The following PRDM16 variants were observed in gnomAD, a reference collection of about 807,000 sequenced individuals.
The protein encoded by PRDM16 is PR/SET domain 16, also known as histone-lysine N-methyltransferase PRDM16.
In PRDM16, 23 loss-of-function variants were observed where a neutral mutation model predicts 110.6. That is an observed-to-expected ratio of 0.21 (90% confidence interval 0.15 to 0.29). The LOEUF (loss-of-function observed/expected upper bound fraction) is 0.29, where lower values mean the gene tolerates loss of function less well. PRDM16 is among the 10% of genes least tolerant of loss of function. PRDM16 has a pLI of 1.00. For synonymous variants in PRDM16, 799 were observed against 781.8 expected, an observed-to-expected ratio of 1.02 and a Z score of -0.37; for missense variants, 1,615 against 1,794.3, an observed-to-expected ratio of 0.90 and a Z score of 1.81.
chr1:3,073,558 T>C (rs958407852), intron 1 of PRDM16, among the ~76,000 whole-genome samples: 3 of 151,922 alleles, frequency 2.0e-5, no homozygotes, highest in African/African-American at 7.3e-5. Flanking sequence ...GAAGGAAACT[T>C]CGCGAGCGAA....
chr1:3,289,990 G>A (rs1267432291), intron 3 of PRDM16, among the ~76,000 whole-genome samples: 3 of 151,436 alleles, frequency 2.0e-5, no homozygotes, highest in African/African-American at 7.3e-5. Flanking sequence ...CACCCCAGGC[G>A]CCAGGACCCC....
chr1:3,276,726 C>CGTGAACAAAGCCAGCGAGGGG (rs1640593827), intron 3 of PRDM16, among the ~76,000 whole-genome samples: 1 of 131,316 alleles, frequency 7.6e-6, no homozygotes, highest in African/African-American at 4.0e-5. Flanking sequence ...CGAGGGGTGC[C>CGTGAACAAAGCCAGCGAGGGG]TGTTTCCTCA....
chr1:3,336,178 G>C (rs747486518), intron 3 of PRDM16, among the ~76,000 whole-genome samples: 1 of 152,230 alleles, frequency 6.6e-6, no homozygotes, highest in Non-Finnish European at 1.5e-5. Context: ...CCAAGATAGC[G>C]GGGGACATGC....
At chr1:3,074,733 C>T (rs1293945525) in intron 1 of PRDM16, among the ~76,000 whole-genome samples, 2 of 152,232 alleles carry the variant, frequency 1.3e-5, no homozygotes, top group Non-Finnish European at 2.9e-5. Flanking sequence ...CTCAGGTTGG[C>T]CCGGGAGGTG....
chr1:3,335,725 T>C (rs1020009291), intron 3 of PRDM16, among the ~76,000 whole-genome samples: 1 of 152,312 alleles, frequency 6.6e-6, no homozygotes, highest in African/African-American at 2.4e-5. Context: ...CCGTTCTTTC[T>C]GGCATCCTGG....
At chr1:3,256,044 GGA>G (rs967833818) in intron 3 of PRDM16, among the ~76,000 whole-genome samples, 1 of 152,190 alleles carries the variant, frequency 6.6e-6, no homozygotes, top group Admixed American at 6.5e-5. Flanking sequence ...CCTGGGACTG[GGA>G]CTGGAGAACA....
intron 2 of PRDM16, among the ~76,000 whole-genome samples, chr1:3,210,173 T>C (rs1315880220): frequency 6.6e-6 from 1 of 152,192 alleles, no homozygotes; most frequent in Non-Finnish European, 1.5e-5. Flanking sequence ...AGCTGCTTCA[T>C]GTTACTCTGG....
At chr1:3,292,534 C>G (rs948018059) in intron 3 of PRDM16, among the ~76,000 whole-genome samples, 3 of 152,210 alleles carry the variant, frequency 2.0e-5, no homozygotes, top group African/African-American at 4.8e-5. Flanking sequence ...TCCTGGTGAG[C>G]GGCACCGTGA....
At chr1:3,273,461 TGTGA>T (rs1389151205) in intron 3 of PRDM16, among the ~76,000 whole-genome samples, 38 of 151,660 alleles carry the variant, frequency 2.5e-4, no homozygotes, top group Non-Finnish European at 4.0e-4. Flanking sequence ...GGTGGGTGGG[TGTGA>T]GTGAATGTGT....
At chr1:3,314,356 A>ATTCTC (rs1641547403) in intron 3 of PRDM16, among the ~76,000 whole-genome samples, 1 of 152,016 alleles carries the variant, frequency 6.6e-6, no homozygotes, top group Non-Finnish European at 1.5e-5. Context: ...AGGGAGAGAG[A>ATTCTC]GATGGTGTCT....
intron 3 of PRDM16, among the ~76,000 whole-genome samples, chr1:3,325,912 CCTTGGCCCTCCTCGGCCCT>C (rs141274558): frequency 0.13 from 17,163 of 133,916 alleles, 1,277 homozygotes; most frequent in East Asian, 0.3. Flanking sequence ...TCTTGGCCCT[CCTTGGCCCTCCTCGGCCCT>C]CTTGGCCCTC....
chr1:3,228,230 G>A (rs142252040), intron 2 of PRDM16, among the ~76,000 whole-genome samples: 102 of 152,332 alleles, frequency 6.7e-4, no homozygotes, highest in African/African-American at 2.1e-3. Context: ...GAAGCAAACC[G>A]AGGATGGGAT....
chr1:3,093,991 G>C (rs572934581), intron 1 of PRDM16, among the ~76,000 whole-genome samples: 2 of 152,362 alleles, frequency 1.3e-5, no homozygotes, highest in South Asian at 4.1e-4. Context: ...CTGCGATTCT[G>C]TGGTCAGGCT....
intron 3 of PRDM16, among the ~76,000 whole-genome samples, chr1:3,284,050 G>C (rs932492104): frequency 6.6e-6 from 1 of 152,192 alleles, no homozygotes; most frequent in Non-Finnish European, 1.5e-5. Flanking sequence ...GGCCTGGGGG[G>C]GCCTGGAGCT....
At chr1:3,301,457 G>A (rs1467348597) in intron 3 of PRDM16, among the ~76,000 whole-genome samples, 2 of 152,154 alleles carry the variant, frequency 1.3e-5, no homozygotes, top group Non-Finnish European at 2.9e-5. Flanking sequence ...TAGAGAAAAG[G>A]GGATGTTAGA....
intron 1 of PRDM16, among the ~76,000 whole-genome samples, chr1:3,146,210 G>A (rs537901208): frequency 2.5e-4 from 38 of 152,358 alleles, no homozygotes; most frequent in Non-Finnish European, 2.8e-4. Context: ...CCTTACCCTC[G>A]GAGGGTGGAA....
chr1:3,355,587 A>G (rs113506146), intron 3 of PRDM16, among the ~76,000 whole-genome samples: 13,226 of 152,086 alleles, frequency 0.087, 1,848 homozygotes, highest in African/African-American at 0.29. Flanking sequence ...AACAATAAAA[A>G]CAAGGGCAGC....
chr1:3,402,796 C>A lies in PRDM16; in HGVS notation c.682C>A (p.Pro228Thr). Reference protein sequence around the residue: ...GTVPPGLDEEPTFRCDECDEL... With the variant: ...GTVPPGLDEETTFRCDECDEL... Reference sequence around the variant, plus strand: ...CCTCGTTCTCTCTCTTGCAGAGGAGCCCACGTTCCGCTGTGACGAGTGTGA... The same window carrying A: ...CCTCGTTCTCTCTCTTGCAGAGGAGACCACGTTCCGCTGTGACGAGTGTGA... Residue 228 changes from proline to threonine, a missense_variant, in exon 6 of 17, where the codon CCC (proline) becomes ACC (threonine). Physicochemically the swap from Pro to Thr is conservative, Grantham distance 38. This residue lies in a region of PRDM16 where 416 missense variants were observed against 467.1 expected (regional missense o/e 0.89). Transcript: ENST00000270722. The A allele has an allele frequency of 6.2e-7, 1 of 1,610,614 alleles. No individual in the cohort carries two copies. The highest frequency in any genetic ancestry group is 8.5e-7 in the Non-Finnish European group (1 of 1,177,932).
chr1:3,292,118 G>A (rs1475707943), intron 3 of PRDM16, among the ~76,000 whole-genome samples: 1 of 152,274 alleles, frequency 6.6e-6, no homozygotes, highest in African/African-American at 2.4e-5. Flanking sequence ...TTGGCAGGAT[G>A]CTGGCCTCTC....
Sources: gnomAD v4.1 joint callset for allele counts (sites outside exome capture counted in the v4.1 genomes callset) on GRCh38, gnomAD v4.1.1 for gene constraint, gnomAD v4.1.1 regional missense constraint, MANE v1.5 for transcripts, NCBI Gene and HGNC (gene_info 2026-07-23, HGNC 2026-07-21) for gene names.